ADD1: variants seen among roughly 807,000 people sequenced by gnomAD.
ADD1 encodes alpha-adducin.
Under a neutral mutation model 80.5 loss-of-function variants are expected in ADD1, and 24 were observed. The ratio of observed to expected loss-of-function variants is 0.30; its 90% CI spans 0.22 to 0.42. ADD1 has a LOEUF of 0.42. Among genes scored for constraint, ADD1 ranks in the 10% least tolerant of loss-of-function variants. The pLI is 1.00. For synonymous variants in ADD1, 373 were observed against 393.8 expected, an observed-to-expected ratio of 0.95 and a Z score of 0.63; for missense variants, 948 against 1,019.0, an observed-to-expected ratio of 0.93 and a Z score of 0.95.
intron 4 of ADD1, among the ~76,000 whole-genome samples, chr4:2,885,858 C>G (rs1265234904): frequency 6.6e-6 from 1 of 152,146 alleles, no homozygotes; most frequent in Non-Finnish European, 1.5e-5. Flanking sequence ...GATCCGCCCG[C>G]CTTGGCCTCC....
chr4:2,862,336 A>G (rs1177563649), intron 1 of ADD1, among the ~76,000 whole-genome samples: 1 of 152,240 alleles, frequency 6.6e-6, no homozygotes, highest in Non-Finnish European at 1.5e-5. Flanking sequence ...GGAGCTGTAG[A>G]TTCAAATCCT....
chr4:2,874,708 A>AT (rs1491093355), intron 1 of ADD1, among the ~76,000 whole-genome samples: 1 of 152,156 alleles, frequency 6.6e-6, no homozygotes, highest in Non-Finnish European at 1.5e-5. Context: ...TTAAAAAAAA[A>AT]CACTAATTTC....
Position 2,849,057 on chromosome 4 carries a change from A to G in ADD1, c.-21+5033A>G, listed in dbSNP as rs184649042. ...GAGTAATTACACTTTTACTTTCCGTAGATGTTTCCAGATTATCCTCCTAAG... is the reference window on the plus strand; with the variant it reads ...GAGTAATTACACTTTTACTTTCCGTGGATGTTTCCAGATTATCCTCCTAAG... On this transcript the variant is annotated intron_variant, in intron 1 of 15. Transcript: ENST00000683351. 1.1e-3 allele frequency among the ~76,000 whole-genome samples: 166 copies of G among 152,296 alleles called. 1 individual carries two copies. Among genetic ancestry groups the G allele is most frequent in the Admixed American group, 3.6e-3 (55 of 15,286 alleles).
Position 2,924,136 on chromosome 4 carries a change from C to T in ADD1, c.1949-1878C>T, listed in dbSNP as rs368961964. ...GTGCAGCCTGTACTTCTCTTGGTAG[C>T]CCGCTGACAAAGGCGGTCTTGTTTT... On this transcript the variant is annotated intron_variant, in intron 14 of 15. Coordinates refer to ENST00000683351, the MANE Select transcript of ADD1 (RefSeq NM_001354761.2). Among the ~76,000 whole-genome samples, 45 of 152,330 alleles carry T rather than the reference C, an allele frequency of 3.0e-4. No homozygotes were observed. The East Asian group carries it at 6.7e-3, about 23-fold the overall frequency.
At chr4:2,887,657 T>C (rs1733612176) in intron 4 of ADD1, 2 of 152,214 alleles carry the variant, frequency 1.3e-5, no homozygotes, top group African/African-American at 4.8e-5. Context: ...GAGGTGATGG[T>C]CTGGACCCAC....
At chr4:2,870,934 C>CTT (rs1730327743) in intron 1 of ADD1, among the ~76,000 whole-genome samples, 2 of 113,042 alleles carry the variant, frequency 1.8e-5, no homozygotes, top group Non-Finnish European at 3.7e-5. Context: ...AACTATGCTG[C>CTT]ATGCTGTTTT....
chr4:2,911,747 G>A (rs1474287451), intron 13 of ADD1, among the ~76,000 whole-genome samples: 8 of 152,240 alleles, frequency 5.3e-5, no homozygotes, highest in Non-Finnish European at 1.0e-4. Flanking sequence ...GTGAGCCACC[G>A]CGCCTGGCAT....
chr4:2,894,797 C>A, intron 6 of ADD1, 66 bp downstream of exon 6: 2 of 1,495,526 alleles, frequency 1.3e-6, no homozygotes, highest in South Asian at 1.3e-5. Context: ...TGCACGTTTC[C>A]TCTGAATTGC....
chr4:2,844,132 G>GGCGGGCGGGGGCCGCGGGGCCTGCA (rs1406805907), intron 1 of ADD1, 108 bp downstream of exon 1: 2,533 of 148,874 alleles, frequency 0.017, 55 homozygotes, highest in African/African-American at 0.044. Flanking sequence ...CGGGGCCTGC[G>GGCGGGCGGGGGCCGCGGGGCCTGCA]GCGGCCCGGG....
At chr4:2,920,341 T>C (rs1739793448) in intron 14 of ADD1, among the ~76,000 whole-genome samples, 1 of 152,234 alleles carries the variant, frequency 6.6e-6, no homozygotes, top group South Asian at 2.1e-4. Context: ...TGTAGATGTC[T>C]GTTAGGTCCG....
intron 15 of ADD1, among the ~76,000 whole-genome samples, chr4:2,927,490 G>A (rs1400412189): frequency 2.0e-5 from 3 of 152,222 alleles, no homozygotes; most frequent in Non-Finnish European, 4.4e-5. Flanking sequence ...TTTGTAGGCC[G>A]TTTACGAATG....
chr4:2,877,845 A>G lies in ADD1; in HGVS notation c.195+1735A>G, dbSNP rs149160918. On this transcript the variant is annotated intron_variant, in intron 2 of 15. Coordinates refer to ENST00000683351, the MANE Select transcript of ADD1 (RefSeq NM_001354761.2). The stretch of plus-strand genomic sequence containing the variant: ...ATAAAAATTAGCTAGGTGTGGTGGC[A>G]TGCCCCGGCAATCCCAGCTACTCAG... Among the ~76,000 whole-genome samples the G allele has an allele frequency of 3.7e-4, 57 of 152,280 alleles. 1 individual carries two copies. In the East Asian group the frequency reaches 0.01, roughly 27 times the overall value.
chr4:2,906,370 TAAAG>T (rs1041937398), intron 10 of ADD1, among the ~76,000 whole-genome samples: 3 of 151,262 alleles, frequency 2.0e-5, no homozygotes, highest in Non-Finnish European at 4.4e-5. Context: ...TTTCACTTGT[TAAAG>T]GAAGTGGGCG....
intron 5 of ADD1, 74 bp from the exon 6 acceptor site, chr4:2,894,508 C>CAAA (rs898922221): frequency 1.9e-3 from 2,075 of 1,088,580 alleles, no homozygotes; most frequent in East Asian, 3.9e-3. Flanking sequence ...CAGACCCTAT[C>CAAA]AAAAAAAAAA....
At chr4:2,865,708 C>T (rs769103151) in intron 1 of ADD1, among the ~76,000 whole-genome samples, 1 of 152,130 alleles carries the variant, frequency 6.6e-6, no homozygotes, top group Non-Finnish European at 1.5e-5. Context: ...AAATAAAATC[C>T]AACTCAAACC....
intron 1 of ADD1, among the ~76,000 whole-genome samples, chr4:2,846,027 A>G (rs1167875524): frequency 1.3e-5 from 2 of 152,238 alleles, no homozygotes; most frequent in Non-Finnish European, 2.9e-5. Flanking sequence ...TAACCGTTAA[A>G]TAGTTCAATA....
At chr4:2,872,731 G>A (rs1451989900) in intron 1 of ADD1, among the ~76,000 whole-genome samples, 1 of 151,814 alleles carries the variant, frequency 6.6e-6, no homozygotes, top group Admixed American at 6.6e-5. Context: ...TAATTTTTTT[G>A]ATTTTTTTTG....
intron 6 of ADD1, 59 bp from the exon 7 acceptor site, chr4:2,898,125 T>C (rs1735562797): frequency 2.6e-6 from 4 of 1,538,934 alleles, no homozygotes; most frequent in Non-Finnish European, 3.5e-6. Context: ...ATTTACCATA[T>C]CATCAGTCAT....
At chr4:2,863,253 T>C (rs1729074290) in intron 1 of ADD1, among the ~76,000 whole-genome samples, 1 of 138,612 alleles carries the variant, frequency 7.2e-6, no homozygotes, top group African/African-American at 2.8e-5. Flanking sequence ...AGAGCTAGGG[T>C]TCTGCCATAT....
Sources: allele counts gnomAD v4.1 joint callset (sites outside exome capture counted in the v4.1 genomes callset), GRCh38; gene constraint gnomAD v4.1.1; transcripts MANE v1.5; gene names NCBI Gene and HGNC (gene_info 2026-07-23, HGNC 2026-07-21).